Variants in SGCD observed in about 807,000 individuals in gnomAD.
SGCD encodes the protein delta-sarcoglycan.
Under a neutral mutation model 36.6 loss-of-function variants are expected in SGCD, and 18 were observed. The ratio of observed to expected loss-of-function variants is 0.49; its 90% CI spans 0.34 to 0.73. The LOEUF is 0.73. Ranked by LOEUF, SGCD falls within the 30% of genes least tolerant of loss-of-function variation. The pLI is 0.01. For synonymous variants in SGCD, 133 were observed against 130.6 expected, an observed-to-expected ratio of 1.02 and a Z score of -0.12; for missense variants, 387 against 346.7, an observed-to-expected ratio of 1.12 and a Z score of -0.92.
chr5:155,943,149 A>G (rs1048876471), intron 1 of SGCD, among the ~76,000 whole-genome samples: 5 of 152,182 alleles, frequency 3.3e-5, no homozygotes, highest in Non-Finnish European at 7.4e-5. Flanking sequence ...CTTGGTTTGA[A>G]TCACTTACTA....
At chr5:155,879,725 A>G (rs551152054) in intron 1 of SGCD, among the ~76,000 whole-genome samples, 1 of 152,304 alleles carries the variant, frequency 6.6e-6, no homozygotes, top group South Asian at 2.1e-4. Flanking sequence ...TAATTATAAC[A>G]TCATAAAGGT....
chr5:155,844,073 A>G, the SGCD span, among the ~76,000 whole-genome samples: 1 of 151,442 alleles, frequency 6.6e-6, no homozygotes, highest in Non-Finnish European at 1.5e-5. Flanking sequence ...TTGAACATTT[A>G]TTTACTTCAA....
chr5:156,087,242 A>G (rs1416656607), intron 1 of SGCD, among the ~76,000 whole-genome samples: 1 of 152,194 alleles, frequency 6.6e-6, no homozygotes, highest in Non-Finnish European at 1.5e-5. Flanking sequence ...TTGTTTATGC[A>G]TATTATTTAG....
intron 4 of SGCD, among the ~76,000 whole-genome samples, chr5:156,546,279 C>T (rs1318357270): frequency 2.0e-5 from 3 of 152,162 alleles, no homozygotes; most frequent in Non-Finnish European, 2.9e-5. Flanking sequence ...GAGATATTAT[C>T]TGTTGGATGT....
chr5:156,126,278 G>T (rs1246022714), intron 3 of SGCD, among the ~76,000 whole-genome samples: 1 of 152,138 alleles, frequency 6.6e-6, no homozygotes, highest in Admixed American at 6.6e-5. Flanking sequence ...TTGGGATTTT[G>T]ATTACTGAGG....
At chr5:156,404,340 T>TA (rs1225952709) in intron 3 of SGCD, among the ~76,000 whole-genome samples, 1 of 152,180 alleles carries the variant, frequency 6.6e-6, no homozygotes, top group Non-Finnish European at 1.5e-5. Flanking sequence ...TCTCACAAAA[T>TA]ATTAGAGAGA....
intron 3 of SGCD, among the ~76,000 whole-genome samples, chr5:156,438,688 A>G (rs958177226): frequency 6.6e-6 from 1 of 152,072 alleles, no homozygotes; most frequent in Non-Finnish European, 1.5e-5. Context: ...TTTCTCCTCC[A>G]TTCTTCACAG....
intron 3 of SGCD, among the ~76,000 whole-genome samples, chr5:156,367,386 A>G (rs1164511451): frequency 6.6e-6 from 1 of 152,234 alleles, no homozygotes; most frequent in African/African-American, 2.4e-5. Flanking sequence ...TAAAACAACA[A>G]CAACAACCTT....
chr5:156,299,445 AT>A (rs929846357), intron 3 of SGCD, among the ~76,000 whole-genome samples: 3 of 151,164 alleles, frequency 2.0e-5, no homozygotes, highest in Non-Finnish European at 3.0e-5. Context: ...AAATTTTAAG[AT>A]TTTTTTTTCT....
chr5:155,941,144 C>T (rs1246543887), intron 1 of SGCD, among the ~76,000 whole-genome samples: 2 of 152,032 alleles, frequency 1.3e-5, no homozygotes, highest in Non-Finnish European at 2.9e-5. Flanking sequence ...AAGAGAGAGC[C>T]GAACTGACTT....
At chr5:156,578,491 A>G (rs1415217601) in intron 4 of SGCD, among the ~76,000 whole-genome samples, 1 of 152,202 alleles carries the variant, frequency 6.6e-6, no homozygotes, top group East Asian at 1.9e-4. Context: ...AAGGAATGGT[A>G]CCAGCTCCTC....
the SGCD span, among the ~76,000 whole-genome samples, chr5:155,809,734 G>A: frequency 0.35 from 52,528 of 151,954 alleles, 9,511 homozygotes; most frequent in Admixed American, 0.52. Flanking sequence ...ATAAACAAAC[G>A]TTTAAATAAG....
chr5:156,487,374 A>G (rs575666090), intron 3 of SGCD, among the ~76,000 whole-genome samples: 49 of 152,382 alleles, frequency 3.2e-4, no homozygotes, highest in African/African-American at 1.1e-3. Flanking sequence ...TATGGTAGCC[A>G]AGACATAAAA....
At position 156,764,203 on chromosome 5, in the gene SGCD, T is replaced by C. The variant is rs1845479; in HGVS notation, c.*4813T>C. 0.13 allele frequency: 20,370 copies of C among 152,562 alleles called. 2,671 individuals carry two copies. Among genetic ancestry groups the C allele is most frequent in the African/African-American group, 0.34 (14,109 of 41,452 alleles). 9.5% of individuals were successfully genotyped at this position (152,562 alleles called of 1,614,324 possible). A position where few individuals can be genotyped will look rare whatever the true frequency, so the allele number is the denominator to read the frequency against. On this transcript the variant is annotated 3_prime_UTR_variant, in exon 9 of 9. Transcript: ENST00000337851. ...CTTTTATCTCAAAGATAAAATGTCT[T>C]TCTTGTGGTCTTTCATCACTATCTC... is the stretch of plus-strand genomic sequence containing the variant.
At chr5:156,718,186 A>G (rs1248355765) in intron 7 of SGCD, among the ~76,000 whole-genome samples, 2 of 152,122 alleles carry the variant, frequency 1.3e-5, no homozygotes, top group African/African-American at 4.8e-5. Flanking sequence ...ATTCCATGCC[A>G]TGTTCTTCTC....
chr5:155,757,507 T>C, the SGCD span, among the ~76,000 whole-genome samples: 4 of 152,316 alleles, frequency 2.6e-5, no homozygotes, highest in East Asian at 7.7e-4. Context: ...TCAAGTGCCT[T>C]GTTTAGCCCT....
At chr5:156,591,243 T>C (rs1028570766) in intron 5 of SGCD, among the ~76,000 whole-genome samples, 36 of 152,202 alleles carry the variant, frequency 2.4e-4, no homozygotes, top group Non-Finnish European at 2.9e-5. Context: ...CAATGAGGTC[T>C]ACAAAGGCTA....
At chr5:156,439,980 T>C (rs1365972427) in intron 3 of SGCD, among the ~76,000 whole-genome samples, 1 of 152,078 alleles carries the variant, frequency 6.6e-6, no homozygotes, top group Non-Finnish European at 1.5e-5. Context: ...TTAATTGAGG[T>C]GAAATTCACA....
At chr5:156,281,134 A>G (rs1766442094) in intron 3 of SGCD, among the ~76,000 whole-genome samples, 1 of 152,180 alleles carries the variant, frequency 6.6e-6, no homozygotes, top group Non-Finnish European at 1.5e-5. Flanking sequence ...AGGAATTTAC[A>G]TGTTGGTATT....
Sources: gnomAD v4.1 joint callset for allele counts (sites outside exome capture counted in the v4.1 genomes callset) on GRCh38, gnomAD v4.1.1 for gene constraint, MANE v1.5 for transcripts, NCBI Gene and HGNC (gene_info 2026-07-23, HGNC 2026-07-21) for gene names.